The following ERGIC1 variants were observed in gnomAD, a reference collection of about 807,000 sequenced individuals.
The protein encoded by ERGIC1 is endoplasmic reticulum-golgi intermediate compartment 1, also known as endoplasmic reticulum-Golgi intermediate compartment protein 1.
Under a neutral mutation model 38.3 loss-of-function variants are expected in ERGIC1, and 19 were observed. The ratio of observed to expected loss-of-function variants is 0.50; its 90% CI spans 0.35 to 0.73. The LOEUF is 0.73. Among genes scored for constraint, ERGIC1 ranks in the 30% least tolerant of loss-of-function variants. ERGIC1 has a pLI of 0.01. For missense variants in ERGIC1, 294 were observed against 389.2 expected, an observed-to-expected ratio of 0.76 and a Z score of 2.06; for synonymous variants, 124 against 157.6, an observed-to-expected ratio of 0.79 and a Z score of 1.60.
chr5:172,851,695 G>T (rs1301540170), intron 1 of ERGIC1, among the ~76,000 whole-genome samples: 1 of 152,026 alleles, frequency 6.6e-6, no homozygotes, highest in Admixed American at 6.6e-5. Flanking sequence ...GGCTTCAGGT[G>T]CCCGAGGACC....
intron 3 of ERGIC1, among the ~76,000 whole-genome samples, chr5:172,906,838 G>A (rs1763039626): frequency 6.6e-6 from 1 of 152,134 alleles, no homozygotes; most frequent in Non-Finnish European, 1.5e-5. Flanking sequence ...CCCTCTGGGT[G>A]GGGGGCATTA....
intron 1 of ERGIC1, among the ~76,000 whole-genome samples, chr5:172,840,585 G>T (rs1443844475): frequency 6.6e-6 from 1 of 152,162 alleles, no homozygotes; most frequent in Admixed American, 6.5e-5. Context: ...GCCAGGTCGG[G>T]TGGCGGTGGA....
chr5:172,936,011 A>T (rs1449987342), intron 9 of ERGIC1: 1 of 152,230 alleles, frequency 6.6e-6, no homozygotes, highest in Non-Finnish European at 1.5e-5. Flanking sequence ...TACTTCACAG[A>T]TTTGGAAACT....
In ERGIC1 at chr5:172,951,786, C is replaced by T. The variant is rs184675073; in HGVS notation, c.*970C>T. ...TGCAACCCTAAAATAATCATGCAGC[C>T]TCTCAGACGGACGCCATCGGTCCCA... On this transcript the variant is annotated 3_prime_UTR_variant, in exon 10 of 10. Transcript: ENST00000393784. 1,060 of 152,476 alleles carry T rather than the reference C, an allele frequency of 7.0e-3. 8 individuals are homozygous for T. Among genetic ancestry groups the T allele is most frequent in the South Asian group, 0.037 (181 of 4,832 alleles). The allele number at this position is 152,476 out of a possible 1,614,324, so 9.4% of individuals were successfully genotyped here.
At chr5:172,905,736 C>A (rs577882989) in intron 3 of ERGIC1, among the ~76,000 whole-genome samples, 1 of 72,956 alleles carries the variant, frequency 1.4e-5, no homozygotes, top group African/African-American at 4.5e-5. Flanking sequence ...CAGCTCGAGC[C>A]GGAACACAGA....
intron 5 of ERGIC1, chr5:172,915,269 C>T (rs1039257236): frequency 6.9e-6 from 4 of 580,522 alleles, no homozygotes; most frequent in Admixed American, 3.0e-5. Context: ...AATGCAGATT[C>T]ATTCATTCAG....
chr5:172,918,721 G>A (rs1394304880), intron 5 of ERGIC1, among the ~76,000 whole-genome samples: 5 of 152,228 alleles, frequency 3.3e-5, no homozygotes, highest in Admixed American at 6.5e-5. Context: ...GGAGCCAGAC[G>A]CAGGCCACAG....
chr5:172,874,654 C>T (rs928319021), intron 1 of ERGIC1, among the ~76,000 whole-genome samples: 1 of 151,904 alleles, frequency 6.6e-6, no homozygotes, highest in Admixed American at 6.6e-5. Flanking sequence ...AGAGGCTGGG[C>T]GTGGTGGCTC....
chr5:172,881,851 A>G (rs1762292275), intron 1 of ERGIC1, among the ~76,000 whole-genome samples: 1 of 152,216 alleles, frequency 6.6e-6, no homozygotes, highest in Non-Finnish European at 1.5e-5. Context: ...CTGTGGCCCT[A>G]GTATATAGCA....
chr5:172,835,458 A>T (rs1761011288), intron 1 of ERGIC1, among the ~76,000 whole-genome samples: 1 of 145,464 alleles, frequency 6.9e-6, no homozygotes, highest in African/African-American at 2.4e-5. Context: ...GCTTGTGACG[A>T]CTGAGTGCGT....
At chr5:172,870,525 G>A (rs980050822) in intron 1 of ERGIC1, among the ~76,000 whole-genome samples, 1 of 152,188 alleles carries the variant, frequency 6.6e-6, no homozygotes, top group African/African-American at 2.4e-5. Flanking sequence ...TAACTCACTT[G>A]GGATGCTGAC....
intron 3 of ERGIC1, among the ~76,000 whole-genome samples, chr5:172,909,239 G>A (rs976569445): frequency 4.0e-4 from 59 of 146,726 alleles, no homozygotes; most frequent in African/African-American, 1.5e-3. Context: ...GCGCAATCTC[G>A]GCTCACTGCA....
chr5:172,888,769 C>A lies in ERGIC1; in HGVS notation c.82+9C>A. 6.2e-7 allele frequency: 1 copy of A among 1,613,634 alleles called. No homozygotes were observed. Among genetic ancestry groups the A allele is most frequent in the Non-Finnish European group, 8.5e-7 (1 of 1,179,542 alleles). On this transcript the variant is annotated intron_variant, in intron 2 of 9. Transcript: ENST00000393784. ...GTACACCGGGGCCATTAGTGAGTAGCCAACCTCTGGCCATGCCCTCTGCCC... is the reference window on the plus strand; with the variant it reads ...GTACACCGGGGCCATTAGTGAGTAGACAACCTCTGGCCATGCCCTCTGCCC...
intron 9 of ERGIC1, among the ~76,000 whole-genome samples, chr5:172,947,010 C>T (rs1357094428): frequency 6.6e-6 from 1 of 151,834 alleles, no homozygotes; most frequent in African/African-American, 2.4e-5. Flanking sequence ...ATGGTAAAAC[C>T]CAGTCTTTAC....
chr5:172,935,499 T>A (rs936286411), intron 9 of ERGIC1, 189 bp downstream of exon 9: 13 of 648,698 alleles, frequency 2.0e-5, no homozygotes, highest in Non-Finnish European at 3.3e-5. Flanking sequence ...AACACATCAG[T>A]ATCGATGACG....
intron 6 of ERGIC1, among the ~76,000 whole-genome samples, chr5:172,925,943 A>G (rs565680607): frequency 6.6e-6 from 1 of 152,166 alleles, no homozygotes; most frequent in East Asian, 1.9e-4. Flanking sequence ...TGCCCGGAGG[A>G]GGGTTTTCTT....
chr5:172,904,616 G>A (rs966848806), intron 3 of ERGIC1, among the ~76,000 whole-genome samples: 52 of 152,358 alleles, frequency 3.4e-4, no homozygotes, highest in African/African-American at 1.0e-3. Context: ...TTTCTTCCAG[G>A]TGGGTTGATT....
At chr5:172,920,906 A>T (rs1306792420) in intron 5 of ERGIC1, among the ~76,000 whole-genome samples, 1 of 152,202 alleles carries the variant, frequency 6.6e-6, no homozygotes. Flanking sequence ...ACTGTGTCTC[A>T]TGACTGTTTT....
chr5:172,874,427 C>T (rs569553077), intron 1 of ERGIC1, among the ~76,000 whole-genome samples: 10 of 152,290 alleles, frequency 6.6e-5, no homozygotes, highest in Admixed American at 3.9e-4. Flanking sequence ...GGCAGTGGTC[C>T]TTGGACCACA....
Sources: allele counts gnomAD v4.1 joint callset (sites outside exome capture counted in the v4.1 genomes callset), GRCh38; gene constraint gnomAD v4.1.1; transcripts MANE v1.5; gene names NCBI Gene and HGNC (gene_info 2026-07-23, HGNC 2026-07-21).